SYTL3: variants seen among roughly 807,000 people sequenced by gnomAD.
The protein encoded by SYTL3 is synaptotagmin like 3.
In SYTL3, 88 loss-of-function variants were observed where a neutral mutation model predicts 82.1. The observed-to-expected ratio is 1.07, with a 90% CI of 0.90 to 1.28. SYTL3 has a LOEUF of 1.28. Among genes scored for constraint, SYTL3 ranks in the 50% most tolerant of loss-of-function variants. SYTL3 has a pLI of 0.00. For missense variants in SYTL3, 831 were observed against 757.6 expected, an observed-to-expected ratio of 1.10 and a Z score of -1.14; for synonymous variants, 311 against 289.4, an observed-to-expected ratio of 1.07 and a Z score of -0.76.
chr6:158,719,448 A>G (rs1783814511), intron 10 of SYTL3, among the ~76,000 whole-genome samples: 1 of 152,202 alleles, frequency 6.6e-6, no homozygotes, highest in African/African-American at 2.4e-5. Flanking sequence ...TGGACGTGAG[A>G]TGAGGAACCG....
chr6:158,746,459 A>ATTATTATTATTAT (rs1554263762), intron 12 of SYTL3, among the ~76,000 whole-genome samples: 390 of 142,054 alleles, frequency 2.7e-3, no homozygotes, highest in Admixed American at 5.7e-3. Flanking sequence ...AATAATAATA[A>ATTATTATTATTAT]TATTATTATT....
intron 10 of SYTL3, among the ~76,000 whole-genome samples, chr6:158,724,241 A>T (rs1471759739): frequency 6.6e-6 from 1 of 152,192 alleles, no homozygotes; most frequent in African/African-American, 2.4e-5. Context: ...CCCAGAATTT[A>T]GCATAGTGCT....
At chr6:158,758,350 A>C (rs1245615401) in intron 14 of SYTL3, among the ~76,000 whole-genome samples, 3 of 151,936 alleles carry the variant, frequency 2.0e-5, no homozygotes, top group Non-Finnish European at 4.4e-5. Context: ...AGGCAGAAGA[A>C]TCACTTGAAC....
chr6:158,677,743 TAAAA>T (rs370060453), intron 5 of SYTL3, among the ~76,000 whole-genome samples: 3 of 128,836 alleles, frequency 2.3e-5, no homozygotes, highest in Non-Finnish European at 1.7e-5. Flanking sequence ...CTATTTGAAA[TAAAA>T]AAAATAAAAA....
intron 7 of SYTL3, 116 bp downstream of exon 7, chr6:158,707,397 T>TA: frequency 1.4e-6 from 1 of 699,796 alleles, no homozygotes; most frequent in Non-Finnish European, 2.2e-6. Context: ...GGAATGTGAC[T>TA]CTTTTTTTTT....
chr6:158,713,736 A>G (rs902642695), intron 8 of SYTL3, 64 bp from the exon 9 acceptor site: 2 of 1,258,066 alleles, frequency 1.6e-6, no homozygotes, highest in African/African-American at 3.0e-5. Context: ...CAGCCTGGAC[A>G]CTGCTGAGGC....
At chr6:158,718,629 G>A (rs559830644) in intron 10 of SYTL3, among the ~76,000 whole-genome samples, 1 of 152,308 alleles carries the variant, frequency 6.6e-6, no homozygotes, top group African/African-American at 2.4e-5. Context: ...AAACGTAAAG[G>A]CGCGAGCAAG....
At chr6:158,701,602 G>T (rs1781308583) in intron 6 of SYTL3, among the ~76,000 whole-genome samples, 2 of 151,626 alleles carry the variant, frequency 1.3e-5, no homozygotes. Flanking sequence ...ACAGGCAGCT[G>T]GGAGGCTCTG....
At chr6:158,697,295 A>T (rs1255241511) in intron 6 of SYTL3, among the ~76,000 whole-genome samples, 2 of 150,960 alleles carry the variant, frequency 1.3e-5, no homozygotes, top group African/African-American at 4.9e-5. Flanking sequence ...AAAAAAAAAA[A>T]AAAAATTAGC....
intron 11 of SYTL3, among the ~76,000 whole-genome samples, chr6:158,728,895 CCAGGCGTGATGG>C (rs1338984350): frequency 6.6e-6 from 1 of 152,110 alleles, no homozygotes; most frequent in African/African-American, 2.4e-5. Flanking sequence ...AAAAAATTAG[CCAGGCGTGATGG>C]CAGGCGCCTG....
At chr6:158,762,634 A>G (rs1790126517) in intron 16 of SYTL3, among the ~76,000 whole-genome samples, 1 of 152,164 alleles carries the variant, frequency 6.6e-6, no homozygotes, top group Non-Finnish European at 1.5e-5. Context: ...GATAGAACTC[A>G]GGCTGGACGC....
intron 5 of SYTL3, among the ~76,000 whole-genome samples, chr6:158,671,811 CTA>C (rs1363382183): frequency 6.6e-6 from 1 of 150,832 alleles, no homozygotes; most frequent in African/African-American, 2.4e-5. Context: ...TAATTATTAT[CTA>C]TATGTTATAC....
intron 2 of SYTL3, among the ~76,000 whole-genome samples, chr6:158,657,880 T>A (rs1170697281): frequency 6.6e-6 from 1 of 151,592 alleles, no homozygotes; most frequent in Non-Finnish European, 1.5e-5. Flanking sequence ...GCATTTCTTT[T>A]TTTTTTTTTA....
Position 158,701,805 on chromosome 6 carries a change from G to A in SYTL3, c.395-5425G>A, listed in dbSNP as rs1178272311. Among the ~76,000 whole-genome samples the A allele has an allele frequency of 3.3e-5, 5 of 151,942 alleles. No homozygotes were observed. The East Asian group carries it at 7.7e-4, about 23-fold the overall frequency. ...TGGAGGCTGGTAGGCCGAAATTGAG[G>A]TGTCAGTGGGGCCATGCTTCCTCTG... On this transcript the variant is annotated intron_variant, in intron 6 of 17. Transcript: ENST00000611299.
chr6:158,701,614 TTGAC>T lies in SYTL3; in HGVS notation c.395-5613_395-5610del, dbSNP rs889988136. Reference sequence around the variant, plus strand: ...GGCACAGGCAGCTGGGAGGCTCTGTTTGACTGGGGCTGAGCGAAGGAGATGGGGG... The same window carrying T: ...GGCACAGGCAGCTGGGAGGCTCTGTTTGGGGCTGAGCGAAGGAGATGGGGG... On this transcript the variant is annotated intron_variant, in intron 6 of 17. Transcript: ENST00000611299. 4.0e-5 allele frequency among the ~76,000 whole-genome samples: 6 copies of T among 150,868 alleles called. No individual in the cohort carries two copies. The South Asian group carries it at 6.3e-4, about 16-fold the overall frequency.
rs1320217303 is a variant in SYTL3 at position 158,663,380 on chromosome 6, TA to T, written c.110+3del. Reference sequence around the variant, plus strand: ...AAACACAGAGGAGGAGAGGACACGGTAGGCTGCCCTTCCCGGGGGGTCACTT... The same window carrying T: ...AAACACAGAGGAGGAGAGGACACGGTGGCTGCCCTTCCCGGGGGGTCACTT... On this transcript the variant is annotated splice_donor_region_variant and intron_variant, in intron 4 of 17. Coordinates refer to ENST00000611299, the MANE Select transcript of SYTL3 (RefSeq NM_001242394.2). The T allele has an allele frequency of 6.2e-7, 1 of 1,613,008 alleles. No individual in the cohort carries two copies.
chr6:158,708,499 G>A, intron 8 of SYTL3, 108 bp downstream of exon 8: 1 of 1,059,882 alleles, frequency 9.4e-7, no homozygotes, highest in Non-Finnish European at 1.5e-6. Context: ...CCCAGCAAAG[G>A]GATCTGACTG....
chr6:158,714,382 C>T (rs537105962), intron 9 of SYTL3, among the ~76,000 whole-genome samples: 109 of 151,990 alleles, frequency 7.2e-4, no homozygotes, highest in African/African-American at 2.5e-3. Flanking sequence ...AAAAAAGATG[C>T]AATTTCAGGG....
At chr6:158,711,580 C>T (rs757211920) in intron 8 of SYTL3, among the ~76,000 whole-genome samples, 2 of 152,000 alleles carry the variant, frequency 1.3e-5, no homozygotes, top group South Asian at 2.1e-4. Context: ...TTGAATCTCG[C>T]GGAAGAAAGA....
Sources: gnomAD v4.1 joint callset for allele counts (sites outside exome capture counted in the v4.1 genomes callset) on GRCh38, gnomAD v4.1.1 for gene constraint, MANE v1.5 for transcripts, NCBI Gene and HGNC (gene_info 2026-07-23, HGNC 2026-07-21) for gene names.